FOXJ3: variants seen among roughly 807,000 people sequenced by gnomAD.
FOXJ3 encodes forkhead box J3, also known as forkhead box protein J3.
In FOXJ3, 22 loss-of-function variants were observed where a neutral mutation model predicts 76.1. The observed-to-expected ratio is 0.29, with a 90% CI of 0.21 to 0.41. FOXJ3 has a LOEUF of 0.41. Ranked by LOEUF, FOXJ3 falls within the 10% of genes least tolerant of loss-of-function variation. The pLI, the probability that FOXJ3 is intolerant of heterozygous loss-of-function variation, is 1.00. For missense variants in FOXJ3, 613 were observed against 762.1 expected (o/e 0.80, Z 2.30); for synonymous variants, 269 against 261.2 (o/e 1.03, Z -0.29).
intron 4 of FOXJ3, among the ~76,000 whole-genome samples, chr1:42,237,427 TAC>T (rs1553161299): frequency 7.7e-5 from 10 of 129,908 alleles, no homozygotes; most frequent in South Asian, 2.5e-4. Flanking sequence ...TATATATATA[TAC>T]ATACATACAT....
intron 11 of FOXJ3, among the ~76,000 whole-genome samples, chr1:42,186,695 G>C (rs1478977621): frequency 6.6e-6 from 1 of 152,156 alleles, no homozygotes; most frequent in African/African-American, 2.4e-5. Context: ...ACAGAGGACA[G>C]CAGCAGATAA....
At chr1:42,189,029 CACTCCACTT>C in intron 10 of FOXJ3, 101 bp from the exon 11 acceptor site, 3 of 724,050 alleles carry the variant, frequency 4.1e-6, no homozygotes, top group Non-Finnish European at 6.6e-6. Flanking sequence ...AATTTCCACT[CACTCCACTT>C]TATGGTAGTG....
intron 4 of FOXJ3, among the ~76,000 whole-genome samples, chr1:42,260,032 C>G (rs1183161544): frequency 1.3e-5 from 2 of 152,210 alleles, no homozygotes; most frequent in African/African-American, 4.8e-5. Context: ...GCTTATCCTT[C>G]AGTCCTACTT....
Position 42,191,479 on chromosome 1 carries a change from T to C in FOXJ3, c.1175A>G (p.Gln392Arg), listed in dbSNP as rs544903775. ...HPPHRPHGLP[Q>R]HPQRSPHPAP... The stretch of plus-strand genomic sequence containing the variant: ...TGGGTGTGGGGAACGCTGCGGATGC[T>C]GCGGTAAACCATGCGGTCGATGGGG... The change falls in exon 9 of 13, where the codon CAG (glutamine) becomes CGG (arginine). Residue 392 changes from glutamine (Q) to arginine (R), a missense_variant. Gln to Arg is a conservative substitution (Grantham distance 43, BLOSUM62 1). Around this residue, in one of 3 missense-constraint regions of FOXJ3, gnomAD observed 526 missense variants for 601.4 expected, o/e 0.87. Transcript: ENST00000361346. 8.6e-5 allele frequency: 138 copies of C among 1,613,538 alleles called. 1 individual carries two copies. In the South Asian group the frequency reaches 1.4e-3, roughly 16 times the overall value.
At position 42,227,877 on chromosome 1, in the gene FOXJ3, CT is replaced by C; in HGVS notation, c.528+5del. The stretch of plus-strand genomic sequence containing the variant: ...TTACACTAAATTTATGATAAAGAGC[CT>C]TTACCCGTTCTACAGATCGTGCCCT... On this transcript the variant is annotated splice_donor_5th_base_variant and intron_variant, in intron 5 of 12. Coordinates refer to ENST00000361346, the MANE Select transcript of FOXJ3 (RefSeq NM_014947.5). The C allele has an allele frequency of 6.5e-7, 1 of 1,530,290 alleles. No individual in the cohort carries two copies. The highest frequency in any genetic ancestry group is 1.2e-5 in the South Asian group (1 of 80,978). The allele number at this position is 1,530,290 out of a possible 1,614,324, so 94.8% of individuals were successfully genotyped here.
chr1:42,184,296 TA>T (rs1376767160), intron 11 of FOXJ3, among the ~76,000 whole-genome samples: 4 of 152,148 alleles, frequency 2.6e-5, no homozygotes, highest in Non-Finnish European at 5.9e-5. Context: ...TATTGGGAAT[TA>T]ATCTTTTACC....
At chr1:42,235,312 T>C (rs1406029572) in intron 4 of FOXJ3, among the ~76,000 whole-genome samples, 2 of 152,232 alleles carry the variant, frequency 1.3e-5, no homozygotes, top group African/African-American at 2.4e-5. Flanking sequence ...ATCCCTTTCT[T>C]TGACTAGGAA....
chr1:42,223,466 G>A (rs1013818542), intron 5 of FOXJ3, among the ~76,000 whole-genome samples: 11 of 152,024 alleles, frequency 7.2e-5, no homozygotes, highest in Non-Finnish European at 1.5e-4. Flanking sequence ...TAATTTAAAC[G>A]GTCTTCAATT....
intron 3 of FOXJ3, among the ~76,000 whole-genome samples, chr1:42,277,152 T>TA (rs111933473): frequency 0.76 from 114,998 of 152,100 alleles, 43,555 homozygotes; most frequent in Admixed American, 0.81. Flanking sequence ...AAATATTTTT[T>TA]AAAAGTCTTG....
intron 3 of FOXJ3, among the ~76,000 whole-genome samples, chr1:42,265,551 AT>A (rs1472905946): frequency 3.3e-5 from 5 of 152,246 alleles, no homozygotes; most frequent in African/African-American, 1.2e-4. Flanking sequence ...TGTGGTACTT[AT>A]TTTATTTATT....
At chr1:42,332,835 T>C (rs1053822543) in intron 1 of FOXJ3, among the ~76,000 whole-genome samples, 6 of 152,210 alleles carry the variant, frequency 3.9e-5, no homozygotes, top group Non-Finnish European at 8.8e-5. Flanking sequence ...CTCTTTCCCT[T>C]TGGAAATTTG....
intron 7 of FOXJ3, among the ~76,000 whole-genome samples, chr1:42,196,807 A>G (rs1348986713): frequency 6.6e-6 from 1 of 152,154 alleles, no homozygotes; most frequent in Non-Finnish European, 1.5e-5. Flanking sequence ...AGTTCTATAC[A>G]TGCTTCTTTA....
intron 5 of FOXJ3, among the ~76,000 whole-genome samples, chr1:42,214,715 G>A (rs28377663): frequency 0.021 from 3,211 of 152,280 alleles, 106 homozygotes; most frequent in African/African-American, 0.074. Context: ...CAATAGATGT[G>A]GAGTGCAGAC....
intron 1 of FOXJ3, among the ~76,000 whole-genome samples, chr1:42,329,145 T>A (rs975902742): frequency 1.3e-5 from 2 of 152,220 alleles, no homozygotes; most frequent in African/African-American, 4.8e-5. Context: ...CAAAGGTACC[T>A]AACTACAAAA....
intron 5 of FOXJ3, among the ~76,000 whole-genome samples, chr1:42,213,579 T>G (rs540533596): frequency 5.9e-5 from 9 of 151,370 alleles, no homozygotes; most frequent in African/African-American, 2.2e-4. Flanking sequence ...CCCAGATTCA[T>G]AAAATCACTA....
intron 2 of FOXJ3, among the ~76,000 whole-genome samples, chr1:42,294,342 A>G (rs1225328594): frequency 6.6e-6 from 1 of 152,220 alleles, no homozygotes; most frequent in Non-Finnish European, 1.5e-5. Flanking sequence ...CCAGTAATAC[A>G]GGAACAAATT....
chr1:42,293,740 CAGAT>C (rs1221267949), intron 2 of FOXJ3, among the ~76,000 whole-genome samples: 1 of 152,178 alleles, frequency 6.6e-6, no homozygotes, highest in East Asian at 1.9e-4. Flanking sequence ...TCTATTTACT[CAGAT>C]AGTCTCGTCT....
intron 4 of FOXJ3, among the ~76,000 whole-genome samples, chr1:42,238,237 A>G (rs1488081275): frequency 1.3e-5 from 2 of 151,972 alleles, no homozygotes; most frequent in Non-Finnish European, 2.9e-5. Context: ...ATTTCACCAC[A>G]TTGGCCAGGC....
chr1:42,296,199 C>T (rs966645129), intron 2 of FOXJ3, among the ~76,000 whole-genome samples: 1 of 151,986 alleles, frequency 6.6e-6, no homozygotes, highest in African/African-American at 2.4e-5. Context: ...GTTTTTTCCC[C>T]GTTATTAGAG....
Sources: allele counts gnomAD v4.1 joint callset (sites outside exome capture counted in the v4.1 genomes callset), GRCh38; gene constraint gnomAD v4.1.1; regional missense constraint gnomAD v4.1.1; transcripts MANE v1.5; gene names NCBI Gene and HGNC (gene_info 2026-07-23, HGNC 2026-07-21).